The following PPP3CC variants were observed in gnomAD, a reference collection of about 807,000 sequenced individuals.
PPP3CC encodes the protein serine/threonine-protein phosphatase 2B catalytic subunit gamma isoform.
In PPP3CC, 35 loss-of-function variants were observed where a neutral mutation model predicts 60.3. The observed-to-expected ratio is 0.58, with a 90% CI of 0.44 to 0.77. PPP3CC has a LOEUF of 0.77. PPP3CC is among the 30% of genes least tolerant of loss of function. The pLI is 0.00. For missense variants in PPP3CC, 570 were observed against 628.9 expected, an observed-to-expected ratio of 0.91 and a Z score of 1.00; for synonymous variants, 206 against 224.3, an observed-to-expected ratio of 0.92 and a Z score of 0.73.
At chr8:22,503,565 ATC>A (rs1312098289) in intron 4 of PPP3CC, among the ~76,000 whole-genome samples, 1 of 152,108 alleles carries the variant, frequency 6.6e-6, no homozygotes, top group East Asian at 1.9e-4. Flanking sequence ...TAGTAGGTGT[ATC>A]TATTTATGGA....
intron 3 of PPP3CC, among the ~76,000 whole-genome samples, chr8:22,477,701 C>T (rs1179964690): frequency 6.6e-6 from 1 of 151,916 alleles, no homozygotes; most frequent in Non-Finnish European, 1.5e-5. Flanking sequence ...TACACAGGTG[C>T]GATCATTTCG....
intron 1 of PPP3CC, among the ~76,000 whole-genome samples, chr8:22,448,252 A>G (rs2132425693): frequency 6.6e-6 from 1 of 152,380 alleles, no homozygotes; most frequent in Non-Finnish European, 1.5e-5. Flanking sequence ...AGAAGTTGAA[A>G]GAGAAATGAC....
At chr8:22,519,574 C>T (rs779854985) in intron 6 of PPP3CC, among the ~76,000 whole-genome samples, 19 of 152,276 alleles carry the variant, frequency 1.2e-4, no homozygotes, top group South Asian at 2.1e-4. Flanking sequence ...CTCTGTCTTA[C>T]GCTGAGAAGA....
chr8:22,497,405 C>A (rs1182712390), intron 3 of PPP3CC, among the ~76,000 whole-genome samples: 2 of 151,888 alleles, frequency 1.3e-5, no homozygotes, highest in Non-Finnish European at 2.9e-5. Context: ...TCAAGTGAGC[C>A]CCCTGCCTTA....
At chr8:22,457,790 G>A (rs1837249389) in intron 1 of PPP3CC, among the ~76,000 whole-genome samples, 1 of 152,220 alleles carries the variant, frequency 6.6e-6, no homozygotes, top group South Asian at 2.1e-4. Flanking sequence ...TAGAATAAAT[G>A]TGTTAAACTT....
At chr8:22,486,113 AAC>A (rs1257061402) in intron 3 of PPP3CC, among the ~76,000 whole-genome samples, 8 of 152,176 alleles carry the variant, frequency 5.3e-5, no homozygotes, top group Admixed American at 1.3e-4. Flanking sequence ...TCATATGATC[AAC>A]TTTCACAGTA....
chr8:22,485,706 C>T (rs1586822265), intron 3 of PPP3CC, among the ~76,000 whole-genome samples: 1 of 152,102 alleles, frequency 6.6e-6, no homozygotes, highest in East Asian at 1.9e-4. Flanking sequence ...AGATGAATCT[C>T]TGAAATTAAG....
intron 4 of PPP3CC, among the ~76,000 whole-genome samples, chr8:22,506,817 C>T (rs2117079460): frequency 6.6e-6 from 1 of 152,076 alleles, no homozygotes; most frequent in South Asian, 2.1e-4. Context: ...TGGTGGGTGC[C>T]TGTAGTCCCA....
chr8:22,450,280 G>T (rs970990141), intron 1 of PPP3CC, among the ~76,000 whole-genome samples: 1 of 152,270 alleles, frequency 6.6e-6, no homozygotes, highest in East Asian at 1.9e-4. Context: ...GAATAGCTAT[G>T]TTTTTAATTT....
At chr8:22,501,562 C>T (rs889366847) in intron 4 of PPP3CC, among the ~76,000 whole-genome samples, 1 of 152,200 alleles carries the variant, frequency 6.6e-6, no homozygotes, top group Admixed American at 6.5e-5. Context: ...TGACTCTTAG[C>T]TTCCAGATAC....
intron 9 of PPP3CC, among the ~76,000 whole-genome samples, 191 bp from the exon 10 acceptor site, chr8:22,528,315 A>G (rs28764003): frequency 0.017 from 2,524 of 152,336 alleles, 67 homozygotes; most frequent in African/African-American, 0.058. Flanking sequence ...TGGAGCAAGT[A>G]ATCTACCCAA....
chr8:22,531,262 T>C (rs908813609), intron 10 of PPP3CC: 2 of 1,509,252 alleles, frequency 1.3e-6, no homozygotes, highest in Admixed American at 3.9e-5. Flanking sequence ...CATATTTCTG[T>C]CTTCATCTCC....
chr8:22,496,693 C>T (rs1405500601), intron 3 of PPP3CC, among the ~76,000 whole-genome samples: 1 of 151,218 alleles, frequency 6.6e-6, no homozygotes, highest in Non-Finnish European at 1.5e-5. Flanking sequence ...GACGGGGTTT[C>T]ACCATATTGG....
intron 1 of PPP3CC, among the ~76,000 whole-genome samples, chr8:22,454,945 A>G (rs888515897): frequency 1.3e-5 from 2 of 151,430 alleles, no homozygotes; most frequent in African/African-American, 4.9e-5. Context: ...AGTCCCAGCT[A>G]CTCGGGAGGC....
rs1486654432 is a variant in PPP3CC at position 22,527,533 on chromosome 8, C to T, written c.1069+16C>T. 1.9e-6 allele frequency: 3 copies of T among 1,612,174 alleles called. No homozygotes were observed. The highest frequency in any genetic ancestry group is 4.5e-5 in the East Asian group (2 of 44,864). On this transcript the variant is annotated intron_variant, in intron 9 of 13. Transcript: ENST00000240139. The stretch of plus-strand genomic sequence containing the variant: ...GGGGAAAAAGGTAAGAGAACTAAAG[C>T]ACATGTCTCATCAGTTGTTTGGTGA...
intron 1 of PPP3CC, 58 bp downstream of exon 1, chr8:22,441,516 G>T: frequency 6.8e-7 from 1 of 1,470,208 alleles, no homozygotes; most frequent in Non-Finnish European, 9.1e-7. Context: ...TCGGCTGGGC[G>T]GCGGCTCGGG....
chr8:22,498,479 G>A (rs1838656794), intron 4 of PPP3CC, among the ~76,000 whole-genome samples: 1 of 152,046 alleles, frequency 6.6e-6, no homozygotes, highest in African/African-American at 2.4e-5. Flanking sequence ...CCATAATCAT[G>A]CCACTTAGAG....
chr8:22,441,325 T>TG lies in PPP3CC; in HGVS notation c.-85_-84insG, dbSNP rs1836659554. 1 of 1,393,118 alleles carries TG rather than the reference T, an allele frequency of 7.2e-7. No homozygotes were observed. The highest frequency in any genetic ancestry group is 1.5e-5 in the African/African-American group (1 of 65,700). The allele number at this position is 1,393,118 out of a possible 1,614,324, so 86.3% of individuals were successfully genotyped here. A position where few individuals can be genotyped will look rare whatever the true frequency, so the allele number is the denominator to read the frequency against. ...CGGCTGGCTGACGGCTCCGGGCAGC[T>TG]AAGGCTGCCCGAGGAGAAGGCGGCG... On this transcript the variant is annotated 5_prime_UTR_variant, in exon 1 of 14. Transcript: ENST00000240139.
intron 2 of PPP3CC, 39 bp from the exon 3 acceptor site, chr8:22,475,461 G>A (rs569436468): frequency 7.6e-6 from 12 of 1,580,974 alleles, no homozygotes; most frequent in Non-Finnish European, 9.5e-6. Context: ...CGTCTTCTAA[G>A]GTATAATTTC....
Sources: gnomAD v4.1 joint callset for allele counts (sites outside exome capture counted in the v4.1 genomes callset) on GRCh38, gnomAD v4.1.1 for gene constraint, MANE v1.5 for transcripts, NCBI Gene and HGNC (gene_info 2026-07-23, HGNC 2026-07-21) for gene names.